The following CASQ2 variants were observed in gnomAD, a reference collection of about 807,000 sequenced individuals.
The protein encoded by CASQ2 is calsequestrin 2, also known as calsequestrin-2.
CASQ2 carries 49 observed loss-of-function variants against 46.5 expected under a neutral mutation model. The ratio of observed to expected loss-of-function variants is 1.05; its 90% CI spans 0.84 to 1.34. The LOEUF (loss-of-function observed/expected upper bound fraction) is 1.34, where lower values mean the gene tolerates loss of function less well. Ranked by LOEUF, CASQ2 falls within the 40% of genes most tolerant of loss-of-function variation. The probability of loss-of-function intolerance (pLI) is 0.00; values close to 1 mark genes in which losing one functional copy is unlikely to be tolerated. For synonymous variants in CASQ2, 174 were observed against 168.5 expected (o/e 1.03, Z -0.25); for missense variants, 486 against 481.3 (o/e 1.01, Z -0.09).
At chr1:115,719,751 G>A (rs1647303121) in intron 7 of CASQ2, among the ~76,000 whole-genome samples, 1 of 152,184 alleles carries the variant, frequency 6.6e-6, no homozygotes, top group African/African-American at 2.4e-5. Flanking sequence ...AGCTTGCACA[G>A]GGGAGGAATA....
intron 1 of CASQ2, among the ~76,000 whole-genome samples, chr1:115,755,773 G>A (rs549630830): frequency 1.3e-5 from 2 of 152,238 alleles, no homozygotes; most frequent in South Asian, 4.1e-4. Context: ...TACCTGTTTT[G>A]TCTTCTTAAA....
intron 7 of CASQ2, among the ~76,000 whole-genome samples, chr1:115,720,664 G>T (rs186810037): frequency 1.6e-4 from 24 of 152,142 alleles, no homozygotes; most frequent in Non-Finnish European, 3.2e-4. Context: ...CCAAAGAACC[G>T]GAGATTTGGG....
At chr1:115,761,497 G>GAAGAAGAAGAAGAAGA (rs1648956584) in intron 1 of CASQ2, among the ~76,000 whole-genome samples, 1 of 18,960 alleles carries the variant, frequency 5.3e-5, no homozygotes, top group Non-Finnish European at 9.5e-5. Context: ...GGAGAAGAAG[G>GAAGAAGAAGAAGAAGA]AGAAGAAGAA....
rs115366827 is a variant in CASQ2, at chr1:115,764,538, C to T, written c.234+3770G>A. Among the ~76,000 whole-genome samples, 1,019 of 152,124 alleles carry T rather than the reference C, an allele frequency of 6.7e-3. 10 individuals are homozygous for T. The highest frequency in any genetic ancestry group is 0.023 in the African/African-American group (935 of 41,476). On this transcript the variant is annotated intron_variant, in intron 1 of 10. Transcript: ENST00000261448. ...ATGCTGCTTTGTTGATGAAGAATAC[C>T]CAAGGAATCAGAACTGCCAGCTGTT...
chr1:115,747,346 G>T (rs1648423359), intron 1 of CASQ2, among the ~76,000 whole-genome samples: 1 of 152,046 alleles, frequency 6.6e-6, no homozygotes, highest in Non-Finnish European at 1.5e-5. Context: ...CTGTTCCTCT[G>T]CCAACACCAC....
intron 5 of CASQ2, among the ~76,000 whole-genome samples, chr1:115,731,918 TA>T (rs1647799306): frequency 6.6e-6 from 1 of 152,216 alleles, no homozygotes. Context: ...TTATTTTTTA[TA>T]TTTTTATTTT....
intron 4 of CASQ2, among the ~76,000 whole-genome samples, chr1:115,737,630 C>T (rs1648008861): frequency 6.6e-6 from 1 of 152,208 alleles, no homozygotes; most frequent in African/African-American, 2.4e-5. Context: ...ACCCGCTCAT[C>T]CCTATATGGG....
At chr1:115,755,005 AT>A (rs1467047567) in intron 1 of CASQ2, among the ~76,000 whole-genome samples, 2 of 152,152 alleles carry the variant, frequency 1.3e-5, no homozygotes, top group African/African-American at 2.4e-5. Flanking sequence ...AAGAATTTGC[AT>A]TTCTGCCAGG....
intron 1 of CASQ2, among the ~76,000 whole-genome samples, chr1:115,758,480 G>A (rs1648834434): frequency 6.6e-6 from 1 of 152,214 alleles, no homozygotes; most frequent in South Asian, 2.1e-4. Context: ...CTTTGTGAAT[G>A]TCACATTCTA....
rs752210031 is a variant in CASQ2, at chr1:115,705,300, A to T, written c.839-8T>A. 1.9e-6 allele frequency: 3 copies of T among 1,592,286 alleles called. No individual in the cohort carries two copies. The highest frequency in any genetic ancestry group is 2.6e-6 in the Non-Finnish European group (3 of 1,160,152). ...CCAGGAATTCGTAGCCATCTGAAAC[A>T]GGATTCAAGAGAGTTGAGTAACCCC... On this transcript the variant is annotated splice_region_variant and splice_polypyrimidine_tract_variant and intron_variant, in intron 8 of 10. Coordinates refer to ENST00000261448, the MANE Select transcript of CASQ2 (RefSeq NM_001232.4).
chr1:115,728,559 A>G (rs987528721), intron 5 of CASQ2, among the ~76,000 whole-genome samples: 2 of 152,164 alleles, frequency 1.3e-5, no homozygotes, highest in African/African-American at 2.4e-5. Context: ...TTCACTTACT[A>G]TGTATTCTAG....
chr1:115,717,883 C>A lies in CASQ2; in HGVS notation c.795G>T (p.Leu265Phe). 1.2e-6 allele frequency: 2 copies of A among 1,609,920 alleles called. No individual in the cohort carries two copies. The highest frequency in any genetic ancestry group is 8.5e-7 in the Non-Finnish European group (1 of 1,176,156). The stretch of plus-strand genomic sequence containing the variant: ...CAAAGGCCACAATGTGGATCCCATT[C>A]AAATCATCTTCCTGTATGAGAAAAG... ...EEMFETWEDD[L>F]NGIHIVAFAE... Residue 265 changes from leucine to phenylalanine, a missense_variant, in exon 8 of 11, where the codon TTG becomes TTT. Physicochemically the swap from Leu to Phe is conservative, Grantham distance 22. Transcript: ENST00000261448.
At chr1:115,725,600 G>C in intron 6 of CASQ2, 47 bp from the exon 7 acceptor site, 1 of 1,584,284 alleles carries the variant, frequency 6.3e-7, no homozygotes, top group Non-Finnish European at 8.6e-7. Flanking sequence ...TCCTTGAGTA[G>C]GGATCACTGT....
intron 5 of CASQ2, 49 bp from the exon 6 acceptor site, chr1:115,727,171 A>G (rs1438929078): frequency 1.5e-6 from 2 of 1,373,476 alleles, no homozygotes; most frequent in African/African-American, 1.4e-5. Flanking sequence ...CTAGTCTAGA[A>G]TAGCAGTGTG....
At chr1:115,740,167 G>A (rs1335580295) in intron 3 of CASQ2, among the ~76,000 whole-genome samples, 5 of 152,276 alleles carry the variant, frequency 3.3e-5, no homozygotes, top group African/African-American at 4.8e-5. Context: ...ACTTCACAGC[G>A]GTTACTGCAA....
At chr1:115,757,125 G>T (rs1450418759) in intron 1 of CASQ2, among the ~76,000 whole-genome samples, 1 of 152,180 alleles carries the variant, frequency 6.6e-6, no homozygotes. Flanking sequence ...GTATTTTCCA[G>T]TTCGTGAAAC....
Position 115,738,231 on chromosome 1 carries a change from G to A in CASQ2, c.525C>T (p.Asp175=). ...GGTTGGCAGACAACTTACATTCTGA[G>A]TCCTCACTCTTGAAAAAGCCAATGA... ...IKLIGFFKSE[D]SEYYKAFEEA... Residue 175 remains aspartate, a synonymous_variant, in exon 4 of 11, where the codon GAC becomes GAT. Transcript: ENST00000261448. 2.5e-6 allele frequency: 4 copies of A among 1,595,552 alleles called. No homozygotes were observed. The highest frequency in any genetic ancestry group is 3.4e-6 in the Non-Finnish European group (4 of 1,163,032).
At chr1:115,703,144 C>G in intron 9 of CASQ2, 149 bp from the exon 10 acceptor site, 1 of 699,134 alleles carries the variant, frequency 1.4e-6, no homozygotes, top group Non-Finnish European at 2.6e-6. Flanking sequence ...AGACTTGGCC[C>G]CAGCCTTCAA....
Position 115,700,972 on chromosome 1 carries a change from C to A in CASQ2, c.*269G>T. 1 of 616,972 alleles carries A rather than the reference C, an allele frequency of 1.6e-6. No homozygotes were observed. The highest frequency in any genetic ancestry group is 2.9e-6 in the Non-Finnish European group (1 of 346,808). 38.2% of individuals were successfully genotyped at this position (616,972 alleles called of 1,614,324 possible). A position where few individuals can be genotyped will look rare whatever the true frequency, so the allele number is the denominator to read the frequency against. ...AGGCACTGCCATGACCCTTGATGGT[C>A]CAGCAAAGAACAAGATCTGTTCCGT... On this transcript the variant is annotated 3_prime_UTR_variant, in exon 11 of 11. Transcript: ENST00000261448.
Sources: gnomAD v4.1 joint callset for allele counts (sites outside exome capture counted in the v4.1 genomes callset) on GRCh38, gnomAD v4.1.1 for gene constraint, MANE v1.5 for transcripts, NCBI Gene and HGNC (gene_info 2026-07-23, HGNC 2026-07-21) for gene names.